Variants in KMT2C observed in about 807,000 individuals in gnomAD.
KMT2C encodes the protein histone-lysine N-methyltransferase 2C.
Under a neutral mutation model 507.9 loss-of-function variants are expected in KMT2C, and 88 were observed. That is an observed-to-expected ratio of 0.17 (90% CI 0.15 to 0.21). The LOEUF (loss-of-function observed/expected upper bound fraction) is 0.21. Ranked by LOEUF, KMT2C falls within the 10% of genes least tolerant of loss-of-function variation. The pLI, the probability that KMT2C is intolerant of heterozygous loss-of-function variation, is 1.00. For missense variants in KMT2C, 4,954 were observed against 5,957.8 expected (o/e 0.83, Z 5.55); for synonymous variants, 2,049 against 2,080.8 (o/e 0.98, Z 0.42).
chr7:152,208,685 T>G (rs1391003704), intron 23 of KMT2C, among the ~76,000 whole-genome samples: 4 of 152,234 alleles, frequency 2.6e-5, no homozygotes, highest in Non-Finnish European at 5.9e-5. Flanking sequence ...AAAAGACATG[T>G]TTATCAAATA....
At chr7:152,199,918 T>A (rs192187385) in intron 26 of KMT2C, among the ~76,000 whole-genome samples, 8 of 152,322 alleles carry the variant, frequency 5.3e-5, no homozygotes, top group Non-Finnish European at 5.9e-5. Flanking sequence ...ATAGTCAGTT[T>A]AGCCATACTA....
At chr7:152,433,744 G>C (rs375427772) in intron 1 of KMT2C, among the ~76,000 whole-genome samples, 2 of 152,184 alleles carry the variant, frequency 1.3e-5, no homozygotes, top group African/African-American at 4.8e-5. Context: ...ATGAGATTCA[G>C]AATTAAAATA....
intron 6 of KMT2C, among the ~76,000 whole-genome samples, chr7:152,306,426 C>T (rs993792123): frequency 6.6e-6 from 1 of 152,214 alleles, no homozygotes. Flanking sequence ...CCACTCCCTA[C>T]AGGTAACCAA....
intron 6 of KMT2C, among the ~76,000 whole-genome samples, chr7:152,293,867 T>C (rs2129187865): frequency 6.6e-6 from 1 of 152,258 alleles, no homozygotes; most frequent in East Asian, 1.9e-4. Flanking sequence ...CCCTCATTCA[T>C]TCATTTTTGA....
At chr7:152,307,262 G>GAAGGAAGGAAGAAAGA (rs1296593153) in intron 6 of KMT2C, among the ~76,000 whole-genome samples, 1 of 120,386 alleles carries the variant, frequency 8.3e-6, no homozygotes, top group Non-Finnish European at 1.7e-5. Flanking sequence ...CGGTAGGAAG[G>GAAGGAAGGAAGAAAGA]AAGGAAGGAA....
At chr7:152,307,185 AAAGAAG>A (rs1350777900) in intron 6 of KMT2C, among the ~76,000 whole-genome samples, 13 of 130,048 alleles carry the variant, frequency 1.0e-4, no homozygotes, top group African/African-American at 3.7e-4. Flanking sequence ...GGAAGGAAGG[AAAGAAG>A]AGGGAGGAAG....
intron 1 of KMT2C, among the ~76,000 whole-genome samples, chr7:152,430,184 GA>G (rs59960992): frequency 0.077 from 6,697 of 87,144 alleles, 156 homozygotes; most frequent in African/African-American, 0.12. Flanking sequence ...TCAAAAAAAA[GA>G]AAAAAAAAAA....
chr7:152,167,659 A>C lies in KMT2C; in HGVS notation c.9518-281T>G, dbSNP rs370605718. Among the ~76,000 whole-genome samples, 59 of 152,344 alleles carry C rather than the reference A, an allele frequency of 3.9e-4. No individual in the cohort carries two copies. In the East Asian group the frequency reaches 0.011, roughly 27 times the overall value. ...CTTGGAAAAGCAGACTTATGTAATG[A>C]AATTCTTTTTTTTTACTAAACAAAT... On this transcript the variant is annotated intron_variant, in intron 41 of 58. Transcript: ENST00000262189.
rs939221927 is a variant in KMT2C, at chr7:152,175,978, G to A, written c.9262+213C>T. Among the ~76,000 whole-genome samples the A allele has an allele frequency of 5.3e-5, 8 of 152,282 alleles. No homozygotes were observed. In the East Asian group the frequency reaches 1.6e-3, roughly 30 times the overall value. Reference sequence around the variant, plus strand: ...GAATCACTTGAACCCAGGAGGTGGAGGTTGCTGTGAGCCGAGATCGCGCCA... The same window carrying A: ...GAATCACTTGAACCCAGGAGGTGGAAGTTGCTGTGAGCCGAGATCGCGCCA... On this transcript the variant is annotated intron_variant, in intron 38 of 58. Transcript: ENST00000262189.
chr7:152,142,340 G>A (rs181285107), intron 55 of KMT2C, among the ~76,000 whole-genome samples: 261 of 152,206 alleles, frequency 1.7e-3, no homozygotes, highest in Middle Eastern at 6.8e-3. Flanking sequence ...ATATGAATAC[G>A]CAATTCCTAT....
At chr7:152,381,025 C>A (rs1388655443) in intron 1 of KMT2C, among the ~76,000 whole-genome samples, 5 of 152,282 alleles carry the variant, frequency 3.3e-5, no homozygotes, top group South Asian at 4.1e-4. Flanking sequence ...AAATAGCCTC[C>A]TCATTTTAAT....
intron 15 of KMT2C, among the ~76,000 whole-genome samples, chr7:152,237,494 T>G (rs536955101): frequency 1.2e-4 from 10 of 82,178 alleles, no homozygotes; most frequent in South Asian, 1.2e-3. Flanking sequence ...TTTTTGGGGG[T>G]TTTTTTTGTT....
intron 1 of KMT2C, among the ~76,000 whole-genome samples, chr7:152,415,019 A>C (rs560743544): frequency 1.8e-4 from 27 of 147,052 alleles, no homozygotes; most frequent in Non-Finnish European, 1.8e-4. Flanking sequence ...CTAATTTTTT[A>C]TTTTTTTGTA....
intron 1 of KMT2C, among the ~76,000 whole-genome samples, chr7:152,427,667 G>A (rs751439423): frequency 1.3e-5 from 2 of 152,030 alleles, no homozygotes; most frequent in East Asian, 1.9e-4. Context: ...TTGTTTTTCC[G>A]GGTATAACTG....
intron 6 of KMT2C, among the ~76,000 whole-genome samples, chr7:152,305,711 T>A (rs1192947815): frequency 6.6e-6 from 1 of 152,192 alleles, no homozygotes; most frequent in African/African-American, 2.4e-5. Context: ...GTTGCTAAAA[T>A]TGGTCCAGTT....
intron 2 of KMT2C, among the ~76,000 whole-genome samples, chr7:152,346,657 C>A (rs2097060047): frequency 6.6e-6 from 1 of 152,164 alleles, no homozygotes; most frequent in South Asian, 2.1e-4. Context: ...CCAACCCCCC[C>A]ACCACACAGT....
At chr7:152,424,817 C>G (rs2097801424) in intron 1 of KMT2C, among the ~76,000 whole-genome samples, 2 of 152,108 alleles carry the variant, frequency 1.3e-5, no homozygotes, top group Admixed American at 1.3e-4. Flanking sequence ...GATAGTTAAG[C>G]CTCCCTCTTT....
At chr7:152,393,170 T>TA (rs1309580472) in intron 1 of KMT2C, among the ~76,000 whole-genome samples, 1 of 152,152 alleles carries the variant, frequency 6.6e-6, no homozygotes, top group Non-Finnish European at 1.5e-5. Context: ...TTTATAAAGA[T>TA]AACTACCTGG....
intron 1 of KMT2C, among the ~76,000 whole-genome samples, chr7:152,430,432 A>T (rs1287811543): frequency 6.6e-6 from 1 of 152,218 alleles, no homozygotes; most frequent in African/African-American, 2.4e-5. Flanking sequence ...CATGGCAGCT[A>T]AAAGTTGTTT....
Sources: allele counts gnomAD v4.1 joint callset (sites outside exome capture counted in the v4.1 genomes callset), GRCh38; gene constraint gnomAD v4.1.1; transcripts MANE v1.5; gene names NCBI Gene and HGNC (gene_info 2026-07-23, HGNC 2026-07-21).